The following RBFOX1 variants were observed in gnomAD, a reference collection of about 807,000 sequenced individuals.
The protein encoded by RBFOX1 is RNA binding fox-1 homolog 1, also known as RNA binding protein fox-1 homolog 1.
A neutral mutation model predicts 57.7 loss-of-function variants in RBFOX1; 8 were observed. That is an observed-to-expected ratio of 0.14 (90% confidence interval 0.08 to 0.25). The LOEUF is 0.25. Ranked by LOEUF, RBFOX1 falls within the 10% of genes least tolerant of loss-of-function variation. RBFOX1 has a pLI of 1.00. For synonymous variants in RBFOX1, 326 were observed against 222.4 expected, an observed-to-expected ratio of 1.47 and a Z score of -4.15; for missense variants, 611 against 548.5, an observed-to-expected ratio of 1.11 and a Z score of -1.14.
intron 4 of RBFOX1, among the ~76,000 whole-genome samples, chr16:7,394,676 G>T (rs1597349164): frequency 6.6e-6 from 1 of 152,282 alleles, no homozygotes; most frequent in South Asian, 2.1e-4. Flanking sequence ...TGATCAGGCA[G>T]TTTCGGAGAC....
chr16:5,598,896 T>C, intron 2 of RBFOX1: 1 of 1,499,366 alleles, frequency 6.7e-7, no homozygotes, highest in Non-Finnish European at 8.8e-7. Context: ...GTTTGTTTTT[T>C]GCCAGGACTA....
chr16:5,905,997 C>T (rs532170832), intron 4 of RBFOX1, among the ~76,000 whole-genome samples: 2 of 152,270 alleles, frequency 1.3e-5, no homozygotes, highest in South Asian at 4.1e-4. Flanking sequence ...CAGGCTGAGT[C>T]CAGGCAGGGG....
intron 3 of RBFOX1, among the ~76,000 whole-genome samples, chr16:6,988,912 C>T (rs951470420): frequency 6.6e-6 from 1 of 152,036 alleles, no homozygotes; most frequent in East Asian, 1.9e-4. Context: ...GCTGGGATTA[C>T]AGGCGCCCAC....
At chr16:7,489,659 G>T (rs2066413049) in intron 4 of RBFOX1, among the ~76,000 whole-genome samples, 1 of 151,722 alleles carries the variant, frequency 6.6e-6, no homozygotes, top group South Asian at 2.1e-4. Context: ...GGGATTACAG[G>T]CACACACCAC....
chr16:7,696,943 C>T (rs569378456), intron 14 of RBFOX1, among the ~76,000 whole-genome samples: 5 of 152,140 alleles, frequency 3.3e-5, no homozygotes, highest in South Asian at 2.1e-4. Context: ...TCCAGTGTGG[C>T]CCACGGATAT....
At chr16:7,710,305 C>A in intron 15 of RBFOX1, 4 of 1,159,668 alleles carry the variant, frequency 3.4e-6, no homozygotes, top group South Asian at 2.7e-5. Context: ...CCAAATTCAA[C>A]CTCAAGTGCA....
At chr16:5,523,305 A>G (rs529652468) in intron 2 of RBFOX1, among the ~76,000 whole-genome samples, 46 of 152,002 alleles carry the variant, frequency 3.0e-4, no homozygotes, top group African/African-American at 8.9e-4. Flanking sequence ...AGGAGAGGGG[A>G]CAGGTGTCCC....
chr16:6,515,170 C>G (rs563853440), intron 2 of RBFOX1, among the ~76,000 whole-genome samples: 1 of 152,266 alleles, frequency 6.6e-6, no homozygotes, highest in South Asian at 2.1e-4. Flanking sequence ...ATTTCATTTT[C>G]TCCTGTAATG....
chr16:5,347,366 G>A (rs9940846), intron 1 of RBFOX1, among the ~76,000 whole-genome samples: 3,969 of 152,144 alleles, frequency 0.026, 174 homozygotes, highest in African/African-American at 0.091. Context: ...CAGCCTCCTT[G>A]AATCATACTT....
intron 3 of RBFOX1, among the ~76,000 whole-genome samples, chr16:6,749,861 C>T (rs1021242949): frequency 3.9e-5 from 6 of 152,154 alleles, no homozygotes. Context: ...TAATAGTCAG[C>T]AGGAAACACA....
chr16:5,503,157 G>A (rs893256043), intron 2 of RBFOX1, among the ~76,000 whole-genome samples: 3 of 152,210 alleles, frequency 2.0e-5, no homozygotes, highest in African/African-American at 7.2e-5. Context: ...TGACTGCTGT[G>A]TGACTTCCGG....
chr16:6,879,329 C>T (rs12448016), intron 3 of RBFOX1, among the ~76,000 whole-genome samples: 3 of 152,058 alleles, frequency 2.0e-5, no homozygotes, highest in Admixed American at 6.6e-5. Flanking sequence ...CTATAATTAA[C>T]TTCAGACACT....
chr16:7,049,619 G>T (rs982168141), intron 3 of RBFOX1, among the ~76,000 whole-genome samples: 2 of 152,106 alleles, frequency 1.3e-5, no homozygotes, highest in African/African-American at 4.8e-5. Context: ...CCACACTAAG[G>T]GGTATTGGTG....
chr16:5,273,827 C>T (rs995855226), intron 1 of RBFOX1, among the ~76,000 whole-genome samples: 1 of 152,120 alleles, frequency 6.6e-6, no homozygotes, highest in Non-Finnish European at 1.5e-5. Flanking sequence ...GTAGTTCCTA[C>T]CTGGCTTTCC....
intron 3 of RBFOX1, among the ~76,000 whole-genome samples, chr16:6,798,611 T>G (rs1426075560): frequency 6.6e-6 from 1 of 152,220 alleles, no homozygotes; most frequent in African/African-American, 2.4e-5. Context: ...TATCTGTGCT[T>G]TGTTGACTAG....
chr16:7,056,875 G>A (rs1001918683), intron 4 of RBFOX1, among the ~76,000 whole-genome samples: 4 of 152,130 alleles, frequency 2.6e-5, no homozygotes, highest in Non-Finnish European at 5.9e-5. Context: ...TAGGAAGGGT[G>A]GTTAGGGCTG....
At chr16:6,261,438 G>C (rs2097700865) in intron 1 of RBFOX1, among the ~76,000 whole-genome samples, 1 of 152,180 alleles carries the variant, frequency 6.6e-6, no homozygotes, top group Non-Finnish European at 1.5e-5. Flanking sequence ...CCAGATGTCA[G>C]ATGATGAGTG....
intron 3 of RBFOX1, among the ~76,000 whole-genome samples, chr16:7,045,910 G>C (rs144866605): frequency 1.1e-3 from 165 of 152,086 alleles, no homozygotes; most frequent in African/African-American, 3.5e-3. Flanking sequence ...TGCCCACCTC[G>C]GCCTCCCAAA....
At chr16:7,335,868 T>C (rs1603624062) in intron 4 of RBFOX1, among the ~76,000 whole-genome samples, 1 of 152,214 alleles carries the variant, frequency 6.6e-6, no homozygotes, top group African/African-American at 2.4e-5. Flanking sequence ...ATAGAGAGTT[T>C]TTCCCTCCAG....
Sources: allele counts gnomAD v4.1 joint callset (sites outside exome capture counted in the v4.1 genomes callset), GRCh38; gene constraint gnomAD v4.1.1; transcripts MANE v1.5; gene names NCBI Gene and HGNC (gene_info 2026-07-23, HGNC 2026-07-21).